The following ANKRD62 variants were observed in gnomAD, a reference collection of about 807,000 sequenced individuals.
The protein encoded by ANKRD62 is ankyrin repeat domain 62.
A neutral mutation model predicts 98.8 loss-of-function variants in ANKRD62; 61 were observed. The ratio of observed to expected loss-of-function variants is 0.62; its 90% CI spans 0.50 to 0.76. ANKRD62 has a LOEUF of 0.76. ANKRD62 is among the 30% of genes least tolerant of loss of function. ANKRD62 has a pLI of 0.00. For synonymous variants in ANKRD62, 341 were observed against 367.9 expected (o/e 0.93, Z 0.84); for missense variants, 933 against 1,082.9 (o/e 0.86, Z 1.94).
chr18:12,122,959 T>C (rs1800729390), intron 11 of ANKRD62, among the ~76,000 whole-genome samples: 2 of 152,152 alleles, frequency 1.3e-5, no homozygotes, highest in South Asian at 4.1e-4. Flanking sequence ...CTTAAGAAAG[T>C]TTATAATTTA....
downstream of ANKRD62, among the ~76,000 whole-genome samples, chr18:12,133,175 G>A (rs1368675540): frequency 1.3e-5 from 2 of 151,932 alleles, no homozygotes; most frequent in Non-Finnish European, 2.9e-5. Flanking sequence ...TAAAACATTG[G>A]CTTTTTGTGT....
At chr18:12,135,400 C>G in the ANKRD62 span, among the ~76,000 whole-genome samples, 1 of 151,310 alleles carries the variant, frequency 6.6e-6, no homozygotes, top group Non-Finnish European at 1.5e-5. Flanking sequence ...GCATAGTATT[C>G]CATGGTGTAT....
At chr18:12,102,390 G>A (rs552511088) in intron 6 of ANKRD62, 4 of 575,806 alleles carry the variant, frequency 6.9e-6, no homozygotes, top group South Asian at 6.7e-5. Context: ...ATAGGAGCAG[G>A]TGTGACCACT....
At chr18:12,157,967 A>G in the ANKRD62 span, among the ~76,000 whole-genome samples, 21 of 152,182 alleles carry the variant, frequency 1.4e-4, no homozygotes, top group Non-Finnish European at 2.2e-4. Context: ...AAAAGCAGGG[A>G]GGCTGTATTT....
In ANKRD62 at chr18:12,096,073, G is replaced by A. The variant is rs1909175592; in HGVS notation, c.508-123G>A. On this transcript the variant is annotated intron_variant, in intron 3 of 13. Transcript: ENST00000587848. Reference sequence around the variant, plus strand: ...GCAAGCACAGTGGAGTGAGAAGGAAGGGATTGCTTTTTATTTACTTTCTGC... The same window carrying A: ...GCAAGCACAGTGGAGTGAGAAGGAAAGGATTGCTTTTTATTTACTTTCTGC... 16 of 690,082 alleles carry A rather than the reference G, an allele frequency of 2.3e-5. No individual in the cohort carries two copies. The South Asian group carries it at 3.1e-4, about 13-fold the overall frequency. The allele number at this position is 690,082 out of a possible 1,614,324, so 42.7% of individuals were successfully genotyped here. A position where few individuals can be genotyped will look rare whatever the true frequency, so the allele number is the denominator to read the frequency against.
At chr18:12,138,050 T>C in the ANKRD62 span, among the ~76,000 whole-genome samples, 138 of 152,280 alleles carry the variant, frequency 9.1e-4, 2 homozygotes, top group East Asian at 0.016. Context: ...TCTCCTTCAG[T>C]TCTGCTCTGA....
chr18:12,104,164 A>T (rs781464577), intron 7 of ANKRD62, among the ~76,000 whole-genome samples: 2 of 152,122 alleles, frequency 1.3e-5, no homozygotes, highest in African/African-American at 4.8e-5. Context: ...TGGTAAATCT[A>T]TCACACAATG....
At chr18:12,138,100 T>G in the ANKRD62 span, among the ~76,000 whole-genome samples, 1 of 152,170 alleles carries the variant, frequency 6.6e-6, no homozygotes, top group Non-Finnish European at 1.5e-5. Context: ...TTTGAATGTG[T>G]TTGCTCTTGC....
chr18:12,115,333 A>T, intron 9 of ANKRD62, 60 bp from the exon 10 acceptor site: 7 of 1,432,822 alleles, frequency 4.9e-6, no homozygotes, highest in Non-Finnish European at 6.5e-6. Flanking sequence ...ACTGGTGTAT[A>T]TTTAGTATAT....
chr18:12,152,899 A>G, the ANKRD62 span, among the ~76,000 whole-genome samples: 498 of 152,254 alleles, frequency 3.3e-3, 4 homozygotes, highest in Middle Eastern at 0.034. Context: ...ATTTCCAAAG[A>G]AAAGAAAACC....
At chr18:12,113,034 A>G (rs1000449279) in intron 8 of ANKRD62, among the ~76,000 whole-genome samples, 1 of 152,138 alleles carries the variant, frequency 6.6e-6, no homozygotes, top group Non-Finnish European at 1.5e-5. Flanking sequence ...AACTGGGACT[A>G]CAGGCATGCC....
At position 12,093,966 on chromosome 18, in the gene ANKRD62, T is replaced by C; in HGVS notation, c.-52T>C. On this transcript the variant is annotated 5_prime_UTR_variant, in exon 1 of 14. Coordinates refer to ENST00000587848, the MANE Select transcript of ANKRD62 (RefSeq NM_001277333.2). Reference sequence around the variant, plus strand: ...AGAGAGGCAGAAAACGAGTGGGAGCTGAGGTGTCTTAAAGCCGTTCCTCAG... The same window carrying C: ...AGAGAGGCAGAAAACGAGTGGGAGCCGAGGTGTCTTAAAGCCGTTCCTCAG... 1 of 1,512,800 alleles carries C rather than the reference T, an allele frequency of 6.6e-7. No homozygotes were observed. Among genetic ancestry groups the C allele is most frequent in the African/African-American group, 1.4e-5 (1 of 72,554 alleles). The allele number at this position is 1,512,800 out of a possible 1,614,324, so 93.7% of individuals were successfully genotyped here. A position where few individuals can be genotyped will look rare whatever the true frequency, so the allele number is the denominator to read the frequency against.
chr18:12,137,587 CT>C, the ANKRD62 span, among the ~76,000 whole-genome samples: 1 of 152,248 alleles, frequency 6.6e-6, no homozygotes, highest in South Asian at 2.1e-4. Context: ...AGGATTCCCT[CT>C]TTTTCTATTG....
At chr18:12,104,533 G>A (rs1363867739) in intron 7 of ANKRD62, among the ~76,000 whole-genome samples, 7 of 152,048 alleles carry the variant, frequency 4.6e-5, no homozygotes, top group East Asian at 1.9e-4. Context: ...TGAGGAAAAC[G>A]TGGATCAAAC....
chr18:12,127,660 G>A (rs1218254421), intron 13 of ANKRD62, 88 bp from the exon 14 acceptor site: 5 of 979,004 alleles, frequency 5.1e-6, no homozygotes, highest in Admixed American at 3.8e-5. Context: ...GGTATTTTTC[G>A]AAGTGTGTAT....
chr18:12,172,750 C>T, the ANKRD62 span, among the ~76,000 whole-genome samples: 2 of 152,232 alleles, frequency 1.3e-5, no homozygotes, highest in Non-Finnish European at 2.9e-5. Flanking sequence ...CTGCAGTGGG[C>T]TCCACCCAGG....
intron 3 of ANKRD62, 150 bp downstream of exon 3, chr18:12,095,760 C>G: frequency 1.3e-6 from 1 of 788,966 alleles, no homozygotes; most frequent in East Asian, 2.8e-5. Context: ...AAAATACATT[C>G]ATAACAAATA....
At chr18:12,107,998 G>A (rs1909453457) in intron 8 of ANKRD62, among the ~76,000 whole-genome samples, 1 of 152,030 alleles carries the variant, frequency 6.6e-6, no homozygotes, top group African/African-American at 2.4e-5. Flanking sequence ...ACATATATAT[G>A]GTAAGAACTT....
chr18:12,119,323 T>C (rs1255922600), intron 10 of ANKRD62, among the ~76,000 whole-genome samples: 1 of 148,758 alleles, frequency 6.7e-6, no homozygotes. Flanking sequence ...TCTCCCAAAG[T>C]GTTTGGTGTT....
Sources: allele counts gnomAD v4.1 joint callset (sites outside exome capture counted in the v4.1 genomes callset), GRCh38; gene constraint gnomAD v4.1.1; transcripts MANE v1.5; gene names NCBI Gene and HGNC (gene_info 2026-07-23, HGNC 2026-07-21).